Variants in MYRIP observed in about 807,000 individuals in gnomAD.
MYRIP encodes myosin VIIA and Rab interacting protein, also known as rab effector MyRIP.
A neutral mutation model predicts 98.0 loss-of-function variants in MYRIP; 49 were observed. The observed-to-expected ratio is 0.50, with a 90% CI of 0.40 to 0.63. The LOEUF (loss-of-function observed/expected upper bound fraction) is 0.63. Among genes scored for constraint, MYRIP ranks in the 30% least tolerant of loss-of-function variants. The pLI, the probability that MYRIP is intolerant of heterozygous loss-of-function variation, is 0.00. For synonymous variants in MYRIP, 404 were observed against 409.5 expected (o/e 0.99, Z 0.16); for missense variants, 1,004 against 1,058.2 (o/e 0.95, Z 0.71).
rs368736130 is a variant in MYRIP at position 40,199,637 on chromosome 3, G to C, written c.1665+9174G>C. Among the ~76,000 whole-genome samples, 108 of 152,228 alleles carry C rather than the reference G, an allele frequency of 7.1e-4. No homozygotes were observed. In the South Asian group the frequency reaches 0.022, roughly 31 times the overall value. On this transcript the variant is annotated intron_variant, in intron 10 of 16. Transcript: ENST00000302541. ...CAGGCAAGGCCTTAAAATCTACTCA[G>C]AACTGTATTGGAATTATTTCCCGTA...
chr3:40,063,738 T>A (rs1948070004), intron 3 of MYRIP, among the ~76,000 whole-genome samples: 1 of 152,206 alleles, frequency 6.6e-6, no homozygotes, highest in Non-Finnish European at 1.5e-5. Context: ...AAACAACTGG[T>A]TCACTCTTTC....
intron 1 of MYRIP, among the ~76,000 whole-genome samples, chr3:39,820,108 G>T (rs112765253): frequency 2.0e-5 from 3 of 152,144 alleles, no homozygotes; most frequent in Non-Finnish European, 1.5e-5. Context: ...AATGCAAAAC[G>T]TGTGTGCCCC....
chr3:39,928,858 A>T (rs954185034), intron 2 of MYRIP, among the ~76,000 whole-genome samples: 2 of 151,970 alleles, frequency 1.3e-5, no homozygotes, highest in African/African-American at 4.8e-5. Flanking sequence ...AAGGAAATAA[A>T]ATGCATATAG....
chr3:40,075,100 A>G (rs1948316993), intron 3 of MYRIP, among the ~76,000 whole-genome samples: 1 of 152,222 alleles, frequency 6.6e-6, no homozygotes, highest in Admixed American at 6.5e-5. Context: ...CATCTATAAA[A>G]TTAACAAAAC....
chr3:39,815,723 C>T (rs1436896977), intron 1 of MYRIP, among the ~76,000 whole-genome samples: 1 of 152,102 alleles, frequency 6.6e-6, no homozygotes, highest in East Asian at 1.9e-4. Context: ...CTGCCTAGGG[C>T]CTCTGGCATA....
chr3:40,017,695 T>C (rs965668617), intron 2 of MYRIP, among the ~76,000 whole-genome samples: 2 of 121,384 alleles, frequency 1.6e-5, no homozygotes, highest in African/African-American at 6.8e-5. Context: ...ATTTACTTCT[T>C]TTTTTTTTTT....
intron 8 of MYRIP, among the ~76,000 whole-genome samples, chr3:40,178,659 T>C (rs1274499814): frequency 6.6e-6 from 1 of 152,210 alleles, no homozygotes; most frequent in Non-Finnish European, 1.5e-5. Flanking sequence ...TGGCTAATAT[T>C]TATTGAGTGC....
At chr3:39,913,666 G>A (rs1272971019) in intron 2 of MYRIP, among the ~76,000 whole-genome samples, 1 of 152,186 alleles carries the variant, frequency 6.6e-6, no homozygotes, top group Admixed American at 6.5e-5. Flanking sequence ...CCCATGTTAT[G>A]ATATTCCATT....
At position 40,222,569 on chromosome 3, in the gene MYRIP, C is replaced by T. The variant is rs190275927; in HGVS notation, c.1906-11290C>T. 1.9e-3 allele frequency among the ~76,000 whole-genome samples: 295 copies of T among 151,854 alleles called. 1 individual carries two copies. Among genetic ancestry groups the T allele is most frequent in the African/African-American group, 6.9e-3 (285 of 41,368 alleles). On this transcript the variant is annotated intron_variant, in intron 11 of 16. Transcript: ENST00000302541. The stretch of plus-strand genomic sequence containing the variant: ...TATTACCTCTCTGTCCCCCTACCCC[C>T]CACCCCCTCCCCATCTGTCTTTCTG...
intron 1 of MYRIP, among the ~76,000 whole-genome samples, chr3:39,811,540 C>T (rs560012046): frequency 6.6e-6 from 1 of 152,186 alleles, no homozygotes; most frequent in East Asian, 1.9e-4. Flanking sequence ...TCTTCCTGCT[C>T]ACGTTCCTTT....
At chr3:40,197,961 C>G (rs953503060) in intron 10 of MYRIP, among the ~76,000 whole-genome samples, 2 of 152,282 alleles carry the variant, frequency 1.3e-5, no homozygotes, top group Middle Eastern at 3.4e-3. Context: ...CTTACTGCCT[C>G]GCATTATGCT....
chr3:39,952,311 C>T (rs538392259), intron 2 of MYRIP, among the ~76,000 whole-genome samples: 1 of 152,266 alleles, frequency 6.6e-6, no homozygotes, highest in East Asian at 1.9e-4. Context: ...ATTGTTTTCA[C>T]TCCCTAGCCA....
intron 2 of MYRIP, among the ~76,000 whole-genome samples, chr3:40,000,421 C>T (rs1946492165): frequency 6.6e-6 from 1 of 152,144 alleles, no homozygotes; most frequent in South Asian, 2.1e-4. Flanking sequence ...AGGAAAGGTT[C>T]CTCCCCATGT....
intron 1 of MYRIP, among the ~76,000 whole-genome samples, chr3:39,884,335 A>G (rs1049053321): frequency 2.0e-5 from 3 of 152,056 alleles, no homozygotes; most frequent in Admixed American, 6.6e-5. Context: ...AGAAAACACA[A>G]TTGTGATGGT....
chr3:39,895,284 T>G (rs1251577419), intron 1 of MYRIP, among the ~76,000 whole-genome samples: 6 of 152,018 alleles, frequency 3.9e-5, no homozygotes, highest in Non-Finnish European at 8.8e-5. Flanking sequence ...CCTCCCGGGT[T>G]CGAGCGATTC....
chr3:39,968,564 C>T (rs1008153577), intron 2 of MYRIP, among the ~76,000 whole-genome samples: 1 of 152,146 alleles, frequency 6.6e-6, no homozygotes, highest in Admixed American at 6.6e-5. Flanking sequence ...TATCTCAGCA[C>T]CATTTATTGA....
chr3:39,845,112 C>T (rs533503092), intron 1 of MYRIP, among the ~76,000 whole-genome samples: 28 of 152,290 alleles, frequency 1.8e-4, no homozygotes, highest in East Asian at 9.6e-4. Context: ...ATAACAACAA[C>T]GGCAATAAAA....
At chr3:40,148,067 A>C (rs1381061991) in intron 3 of MYRIP, among the ~76,000 whole-genome samples, 1 of 152,234 alleles carries the variant, frequency 6.6e-6, no homozygotes, top group East Asian at 1.9e-4. Flanking sequence ...ATAGAAGTCT[A>C]ACTTCATGCC....
At chr3:39,810,159 C>T (rs977785125) in intron 1 of MYRIP, among the ~76,000 whole-genome samples, 3 of 152,222 alleles carry the variant, frequency 2.0e-5, no homozygotes, top group South Asian at 2.1e-4. Context: ...TCGCCTCTTT[C>T]TCTCGCTGCT....
Sources: gnomAD v4.1 joint callset for allele counts (sites outside exome capture counted in the v4.1 genomes callset) on GRCh38, gnomAD v4.1.1 for gene constraint, MANE v1.5 for transcripts, NCBI Gene and HGNC (gene_info 2026-07-23, HGNC 2026-07-21) for gene names.